The following ZNF589 variants were observed in gnomAD, a reference collection of about 807,000 sequenced individuals.
ZNF589 encodes the protein zinc finger protein 589.
ZNF589 carries 17 observed loss-of-function variants against 13.6 expected under a neutral mutation model. That is an observed-to-expected ratio of 1.25 (90% CI 0.86 to 1.88). ZNF589 has a LOEUF of 1.88. Ranked by LOEUF, ZNF589 falls within the 40% of genes most tolerant of loss-of-function variation. The pLI is 0.00. For missense variants in ZNF589, 407 were observed against 434.0 expected, an observed-to-expected ratio of 0.94 and a Z score of 0.55; for synonymous variants, 148 against 161.6, an observed-to-expected ratio of 0.92 and a Z score of 0.64.
chr3:48,256,729 G>T, intron 2 of ZNF589: 2 of 1,599,936 alleles, frequency 1.3e-6, no homozygotes, highest in South Asian at 2.2e-5. Flanking sequence ...GGCAGATGGG[G>T]CACTGGCCAG....
At chr3:48,253,449 A>G (rs1044915758) in intron 2 of ZNF589, among the ~76,000 whole-genome samples, 2 of 150,712 alleles carry the variant, frequency 1.3e-5, no homozygotes, top group East Asian at 3.9e-4. Flanking sequence ...CCAGGTTATC[A>G]TGTTACACTT....
chr3:48,268,450 T>A lies in ZNF589; in HGVS notation c.759T>A (p.Cys253Ter). The change falls in exon 4 of 4, where the codon TGT becomes TGA. Residue 253 changes from cysteine (C) to a stop codon, truncating the protein, a stop_gained. Coordinates refer to ENST00000354698, the MANE Select transcript of ZNF589 (RefSeq NM_016089.3). LOFTEE classifies it low-confidence loss of function (END_TRUNC). ...DKRQSQVCRE[C>*]GRGFSRKSQL... The stretch of plus-strand genomic sequence containing the variant: ...GGCAGTCACAGGTGTGCAGGGAGTG[T>A]GGGCGAGGCTTTAGCAGGAAGTCAC... 6.2e-7 allele frequency: 1 copy of A among 1,614,148 alleles called. No homozygotes were observed. Among genetic ancestry groups the A allele is most frequent in the Non-Finnish European group, 8.5e-7 (1 of 1,180,012 alleles).
At chr3:48,241,557 A>C (rs1232054556) in intron 1 of ZNF589, among the ~76,000 whole-genome samples, 1 of 152,206 alleles carries the variant, frequency 6.6e-6, no homozygotes, top group African/African-American at 2.4e-5. Context: ...TTTGAGACGG[A>C]GTCTCGCTCT....
intron 2 of ZNF589, among the ~76,000 whole-genome samples, chr3:48,248,162 C>T (rs149144699): frequency 1.3e-3 from 197 of 152,328 alleles, no homozygotes; most frequent in African/African-American, 4.5e-3. Context: ...ATTTCATCTC[C>T]ATTCCCACTG....
intron 2 of ZNF589, among the ~76,000 whole-genome samples, chr3:48,260,240 C>A (rs896421824): frequency 2.6e-5 from 4 of 151,832 alleles, no homozygotes; most frequent in African/African-American, 9.7e-5. Flanking sequence ...TGGGATCAGG[C>A]AATCCTCCTA....
chr3:48,256,689 C>T (rs1460364915), intron 2 of ZNF589: 1 of 1,452,588 alleles, frequency 6.9e-7, no homozygotes, highest in Non-Finnish European at 9.7e-7. Context: ...AAAACATCAT[C>T]ATAGTTTTAC....
At position 48,241,223 on chromosome 3, in the gene ZNF589, G is replaced by C; in HGVS notation, c.43+9G>C. 3.1e-6 allele frequency: 5 copies of C among 1,611,138 alleles called. No homozygotes were observed. The highest frequency in any genetic ancestry group is 4.2e-6 in the Non-Finnish European group (5 of 1,179,422). On this transcript the variant is annotated intron_variant, in intron 1 of 3. Coordinates refer to ENST00000354698, the MANE Select transcript of ZNF589 (RefSeq NM_016089.3). ...GGGCTGGACTGCGGAAGGTGAGTCG[G>C]GGCCGCGAGATCGCCTCCCCCATTC...
chr3:48,249,160 T>C (rs1011052457), intron 2 of ZNF589, among the ~76,000 whole-genome samples: 8 of 151,278 alleles, frequency 5.3e-5, no homozygotes, highest in Non-Finnish European at 1.0e-4. Flanking sequence ...TGGAGTGCAA[T>C]GGCATGATCT....
At chr3:48,260,533 C>T (rs755336331) in intron 2 of ZNF589, among the ~76,000 whole-genome samples, 1 of 152,172 alleles carries the variant, frequency 6.6e-6, no homozygotes, top group Non-Finnish European at 1.5e-5. Context: ...CTCAGCCTCC[C>T]AAGTAGCTGG....
At chr3:48,266,098 C>T (rs1006841492) in intron 3 of ZNF589, among the ~76,000 whole-genome samples, 3 of 152,114 alleles carry the variant, frequency 2.0e-5, no homozygotes, top group Non-Finnish European at 4.4e-5. Context: ...TCTAAATACA[C>T]CACAAATAAC....
rs2034077699 is a variant in ZNF589, at chr3:48,270,421, A to G, written c.*1635A>G. 5.6e-6 allele frequency: 2 copies of G among 359,914 alleles called. No homozygotes were observed. The highest frequency in any genetic ancestry group is 1.1e-5 in the Non-Finnish European group (2 of 183,812). The allele number at this position is 359,914 out of a possible 1,614,324, so 22.3% of individuals were successfully genotyped here. A position where few individuals can be genotyped will look rare whatever the true frequency, so the allele number is the denominator to read the frequency against. On this transcript the variant is annotated 3_prime_UTR_variant, in exon 4 of 4. Coordinates refer to ENST00000354698, the MANE Select transcript of ZNF589 (RefSeq NM_016089.3). ...GTATTTTAAACACAGCTCCTCTTAA[A>G]TCCTCCAATCTCAGTACCCAGTGTT...
intron 1 of ZNF589, 121 bp downstream of exon 1, chr3:48,241,335 C>T (rs936956465): frequency 7.1e-6 from 9 of 1,268,126 alleles, no homozygotes; most frequent in African/African-American, 5.9e-5. Flanking sequence ...GCGCTGACTA[C>T]CCCTACAGCG....
At chr3:48,249,368 G>C (rs1357840403) in intron 2 of ZNF589, among the ~76,000 whole-genome samples, 2 of 152,194 alleles carry the variant, frequency 1.3e-5, no homozygotes, top group Non-Finnish European at 2.9e-5. Context: ...CTCCCACAGT[G>C]CTGGGATTAT....
rs112540368 is a variant in ZNF589 at position 48,255,755 on chromosome 3, C to T, written c.97-5058C>T. 9.8e-3 allele frequency among the ~76,000 whole-genome samples: 1,484 copies of T among 151,854 alleles called. 25 individuals are homozygous for T. Among genetic ancestry groups the T allele is most frequent in the African/African-American group, 0.033 (1,359 of 41,420 alleles). On this transcript the variant is annotated intron_variant, in intron 2 of 3. Transcript: ENST00000354698. ...CTGCCTGCCTTAGCCCCCCAAAGTG[C>T]TGTGATTATAGGCAAGAGCCACCAT... is the stretch of plus-strand genomic sequence containing the variant.
chr3:48,248,993 C>G (rs897045922), intron 2 of ZNF589, among the ~76,000 whole-genome samples: 2 of 152,140 alleles, frequency 1.3e-5, no homozygotes, highest in African/African-American at 4.8e-5. Context: ...AGGGGCCAAG[C>G]TTGATTGATA....
At chr3:48,256,272 T>C (rs2106840453) in intron 2 of ZNF589, 2 of 413,538 alleles carry the variant, frequency 4.8e-6, no homozygotes, top group South Asian at 3.8e-5. Context: ...AGTATAGTTG[T>C]GGCCCAGGGC....
intron 2 of ZNF589, chr3:48,256,326 C>T (rs955538986): frequency 2.0e-6 from 1 of 500,158 alleles, no homozygotes. Flanking sequence ...GCAGGAGGAA[C>T]TCTGGAAGCT....
Position 48,268,126 on chromosome 3 carries a change from A to C in ZNF589, c.435A>C (p.Gln145His). 1 of 1,614,220 alleles carries C rather than the reference A, an allele frequency of 6.2e-7. No individual in the cohort carries two copies. Among genetic ancestry groups the C allele is most frequent in the South Asian group, 1.1e-5 (1 of 91,086 alleles). The change falls in exon 4 of 4, where the codon CAA becomes CAC. Residue 145 changes from glutamine to histidine, a missense_variant. Transcript: ENST00000354698. ...ACAGGGGGGCTGAAGCAGAAGATCA[A>C]CGAGTGGAAGGAGGCGTCAGACCCT... is the stretch of plus-strand genomic sequence containing the variant. ...KNHRGAEAED[Q>H]RVEGGVRPLF...
rs1451203122 is a variant in ZNF589 at position 48,268,741 on chromosome 3, C to T, written c.1050C>T (p.His350=). 1 of 1,614,024 alleles carries T rather than the reference C, an allele frequency of 6.2e-7. No individual in the cohort carries two copies. Among genetic ancestry groups the T allele is most frequent in the Admixed American group, 1.7e-5 (1 of 60,018 alleles). ...GFREKSELIK[H]QRIHTGDKPY... The stretch of plus-strand genomic sequence containing the variant: ...GTGAAAAGTCAGAGCTCATTAAGCA[C>T]CAGAGAATTCACACGGGGGATAAGC... The change falls in exon 4 of 4, where the codon CAC becomes CAT. Residue 350 remains histidine (H), a synonymous_variant. Coordinates refer to ENST00000354698, the MANE Select transcript of ZNF589 (RefSeq NM_016089.3).
Sources: allele counts gnomAD v4.1 joint callset (sites outside exome capture counted in the v4.1 genomes callset), GRCh38; gene constraint gnomAD v4.1.1; transcripts MANE v1.5; gene names NCBI Gene and HGNC (gene_info 2026-07-23, HGNC 2026-07-21).